The following LRGUK variants were observed in gnomAD, a reference collection of about 807,000 sequenced individuals.
The protein encoded by LRGUK is leucine rich repeats and guanylate kinase domain containing.
In LRGUK, 65 loss-of-function variants were observed where a neutral mutation model predicts 76.0. That is an observed-to-expected ratio of 0.85 (90% CI 0.70 to 1.05). LRGUK has a LOEUF of 1.05. Among genes scored for constraint, LRGUK ranks in the 50% least tolerant of loss-of-function variants. The pLI is 0.00. For synonymous variants in LRGUK, 268 were observed against 265.6 expected, an observed-to-expected ratio of 1.01 and a Z score of -0.09; for missense variants, 758 against 732.8, an observed-to-expected ratio of 1.03 and a Z score of -0.40.
intron 16 of LRGUK, among the ~76,000 whole-genome samples, chr7:134,238,660 C>T (rs906397605): frequency 3.3e-5 from 5 of 151,964 alleles, no homozygotes; most frequent in South Asian, 2.1e-4. Context: ...TAATGTCTTT[C>T]GTTTATTCTG....
At chr7:134,213,502 C>T (rs919852283), downstream of LRGUK, among the ~76,000 whole-genome samples, 5 of 152,168 alleles carry the variant, frequency 3.3e-5, no homozygotes, top group East Asian at 3.9e-4. Context: ...TAGAGTTGTC[C>T]GTGTCTCATT....
Position 134,183,745 on chromosome 7 carries a change from GCCTGGATGCC to G in LRGUK, c.1230_1239del (p.Asp411IlefsTer4). The G allele has an allele frequency of 6.2e-7, 1 of 1,613,976 alleles. No homozygotes were observed. The highest frequency in any genetic ancestry group is 8.5e-7 in the Non-Finnish European group (1 of 1,179,872). ...GTCCTGTGTTGTAGCACTCTTCCCA[GCCTGGATGCC>G]CCTTATCCCATGCTGATACTAGCTG... On this transcript the variant is annotated frameshift_variant, in exon 11 of 16. Coordinates refer to ENST00000645682, the Ensembl canonical transcript of LRGUK. LOFTEE classifies it high-confidence loss of function.
chr7:134,132,186 A>G (rs1668375366), intron 1 of LRGUK, among the ~76,000 whole-genome samples: 2 of 152,074 alleles, frequency 1.3e-5, no homozygotes, highest in South Asian at 4.2e-4. Flanking sequence ...GTCTCTATAA[A>G]AGAATTTTTA....
intron 2 of LRGUK, among the ~76,000 whole-genome samples, chr7:134,138,146 T>C (rs990722456): frequency 1.3e-5 from 2 of 152,324 alleles, no homozygotes; most frequent in African/African-American, 2.4e-5. Flanking sequence ...CGCTGGAATA[T>C]GGTATATAAT....
intron 3 of LRGUK, among the ~76,000 whole-genome samples, chr7:134,142,822 A>G (rs796943648): frequency 6.6e-6 from 1 of 152,206 alleles, no homozygotes; most frequent in South Asian, 2.1e-4. Context: ...AAAATAGGGC[A>G]TACAAGGATT....
At chr7:134,134,611 G>T (rs1286683967) in intron 1 of LRGUK, among the ~76,000 whole-genome samples, 1 of 152,190 alleles carries the variant, frequency 6.6e-6, no homozygotes, top group Non-Finnish European at 1.5e-5. Flanking sequence ...GCATCCACCT[G>T]CTCTAAGTGA....
exon 16 of LRGUK, chr7:134,209,656 C>G (rs546535542): frequency 5.0e-6 from 2 of 399,396 alleles, no homozygotes; most frequent in Admixed American, 4.4e-5. Context: ...CCCATCAAAC[C>G]ATGACGGTCT....
At chr7:134,276,144 A>C in the LRGUK span, among the ~76,000 whole-genome samples, 1 of 152,246 alleles carries the variant, frequency 6.6e-6, no homozygotes, top group Non-Finnish European at 1.5e-5. Flanking sequence ...GGTATGGACC[A>C]CACTCTCAGT....
At chr7:134,133,666 A>G (rs1797402765) in intron 1 of LRGUK, among the ~76,000 whole-genome samples, 1 of 151,822 alleles carries the variant, frequency 6.6e-6, no homozygotes, top group Non-Finnish European at 1.5e-5. Flanking sequence ...TCCTGCCTCA[A>G]TGCAGCAGTT....
chr7:134,263,079 G>A (rs974354573), intron 19 of LRGUK, among the ~76,000 whole-genome samples: 7 of 150,536 alleles, frequency 4.7e-5, no homozygotes, highest in African/African-American at 1.7e-4. Context: ...GTCCTAAAAC[G>A]GTCAATGTTC....
intron 7 of LRGUK, among the ~76,000 whole-genome samples, chr7:134,171,169 T>C (rs1281790071): frequency 1.3e-5 from 2 of 151,920 alleles, no homozygotes; most frequent in Non-Finnish European, 2.9e-5. Flanking sequence ...CTTCTTAAAA[T>C]TGTAAAACAA....
chr7:134,167,131 C>A (rs1382129068), intron 7 of LRGUK, among the ~76,000 whole-genome samples: 1 of 152,134 alleles, frequency 6.6e-6, no homozygotes, highest in African/African-American at 2.4e-5. Context: ...ATACTCCTGC[C>A]CTGGGATGCA....
In LRGUK at chr7:134,148,238, A is replaced by T; in HGVS notation, c.589A>T (p.Lys197Ter). Reference sequence around the variant, plus strand: ...CATCTTGTTCTCTTTCTCTTGCCAGAAGGCGGATTTTTCCCACAACCAAAT... The same window carrying T: ...CATCTTGTTCTCTTTCTCTTGCCAGTAGGCGGATTTTTCCCACAACCAAAT... The change falls in exon 5 of 16, where the codon AAG becomes TAG. Residue 197 changes from lysine (K) to a stop codon, truncating the protein, a stop_gained and splice_region_variant. Transcript: ENST00000645682. LOFTEE classifies it high-confidence loss of function. 6.3e-7 allele frequency: 1 copy of T among 1,595,092 alleles called. No homozygotes were observed. Among genetic ancestry groups the T allele is most frequent in the Non-Finnish European group, 8.6e-7 (1 of 1,168,390 alleles).
At chr7:134,250,500 G>T (rs1297598634) in intron 18 of LRGUK, among the ~76,000 whole-genome samples, 2 of 152,078 alleles carry the variant, frequency 1.3e-5, no homozygotes, top group Admixed American at 1.3e-4. Context: ...ACAGCAAAGG[G>T]ATATTTTATG....
At position 134,229,236 on chromosome 7, in the gene LRGUK, G is replaced by A. The variant is rs958976852; in HGVS notation, c.1983+7318G>A. 2.0e-5 allele frequency among the ~76,000 whole-genome samples: 3 copies of A among 151,968 alleles called. No individual in the cohort carries two copies. The East Asian group carries it at 5.8e-4, about 29-fold the overall frequency. On this transcript the variant is annotated intron_variant, in intron 16 of 19. Coordinates refer to the LRGUK transcript ENST00000285928. Reference sequence around the variant, plus strand: ...AAATTAGCCAGGCATAGTGGCACACGTCTGCAGTCCCAGCTACATGGGAGG... The same window carrying A: ...AAATTAGCCAGGCATAGTGGCACACATCTGCAGTCCCAGCTACATGGGAGG...
chr7:134,206,901 T>C (rs1262928850), intron 15 of LRGUK, among the ~76,000 whole-genome samples: 1 of 152,184 alleles, frequency 6.6e-6, no homozygotes, highest in African/African-American at 2.4e-5. Context: ...TAGAAAGAAA[T>C]GATGATGGTT....
At chr7:134,164,099 C>T (rs1798872231) in intron 7 of LRGUK, among the ~76,000 whole-genome samples, 1 of 152,080 alleles carries the variant, frequency 6.6e-6, no homozygotes, top group African/African-American at 2.4e-5. Flanking sequence ...AGATTTTAAA[C>T]ATTTTTACCG....
At chr7:134,206,180 CAGTGATTA>C (rs1800996429) in intron 15 of LRGUK, among the ~76,000 whole-genome samples, 1 of 152,150 alleles carries the variant, frequency 6.6e-6, no homozygotes, top group African/African-American at 2.4e-5. Context: ...TTTAGGTACA[CAGTGATTA>C]TAAACCCTGA....
chr7:134,218,722 T>G (rs1563188780), intron 15 of LRGUK, among the ~76,000 whole-genome samples: 1 of 152,220 alleles, frequency 6.6e-6, no homozygotes, highest in African/African-American at 2.4e-5. Context: ...CTTAGGTACA[T>G]GGCCTCTACT....
Sources: allele counts gnomAD v4.1 joint callset (sites outside exome capture counted in the v4.1 genomes callset), GRCh38; gene constraint gnomAD v4.1.1; transcripts MANE v1.5; gene names NCBI Gene and HGNC (gene_info 2026-07-23, HGNC 2026-07-21).